APPL1: variants seen among roughly 807,000 people sequenced by gnomAD.
APPL1 encodes adaptor protein, phosphotyrosine interacting with PH domain and leucine zipper 1.
APPL1 carries 42 observed loss-of-function variants against 106.8 expected under a neutral mutation model. The ratio of observed to expected loss-of-function variants is 0.39; its 90% CI spans 0.31 to 0.51. The LOEUF (loss-of-function observed/expected upper bound fraction) is 0.51, where lower values mean the gene tolerates loss of function less well. APPL1 is among the 20% of genes least tolerant of loss of function. The pLI is 0.75. For missense variants in APPL1, 769 were observed against 858.2 expected (o/e 0.90, Z 1.30); for synonymous variants, 263 against 281.8 (o/e 0.93, Z 0.67).
chr3:57,267,067 G>A (rs2060898279), intron 19 of APPL1, among the ~76,000 whole-genome samples: 1 of 152,090 alleles, frequency 6.6e-6, no homozygotes, highest in Non-Finnish European at 1.5e-5. Context: ...GATTGCTTTG[G>A]CTATTTGCAT....
intron 5 of APPL1, among the ~76,000 whole-genome samples, chr3:57,241,561 C>T (rs1017294800): frequency 1.3e-5 from 2 of 152,080 alleles, no homozygotes; most frequent in Admixed American, 6.5e-5. Flanking sequence ...TATTCTACAC[C>T]TACACCATTT....
chr3:57,258,314 C>T (rs571692728), intron 15 of APPL1, among the ~76,000 whole-genome samples: 1 of 152,330 alleles, frequency 6.6e-6, no homozygotes, highest in African/African-American at 2.4e-5. Flanking sequence ...TGCGCCACCA[C>T]ACCCAGCTAA....
intron 5 of APPL1, 41 bp from the exon 6 acceptor site, chr3:57,242,060 C>A: frequency 7.0e-7 from 1 of 1,436,200 alleles, no homozygotes; most frequent in Non-Finnish European, 9.7e-7. Context: ...AAATGTATTT[C>A]ATAAATGTGC....
rs999091173 is a variant in APPL1, at chr3:57,248,058, C to T, written c.705-135C>T. ...CTGTAAACCTGTTTTAAAATATATT[C>T]GTGTTGTTTTAACCACCCATGCCGC... On this transcript the variant is annotated intron_variant, in intron 9 of 21. Transcript: ENST00000288266. The T allele has an allele frequency of 9.9e-5, 76 of 768,728 alleles. 1 individual carries two copies. In the Admixed American group the frequency reaches 1.7e-3, roughly 17 times the overall value. 47.6% of individuals were successfully genotyped at this position (768,728 alleles called of 1,614,324 possible).
At chr3:57,230,043 A>T (rs1318472186) in intron 1 of APPL1, among the ~76,000 whole-genome samples, 1 of 152,174 alleles carries the variant, frequency 6.6e-6, no homozygotes, top group Non-Finnish European at 1.5e-5. Context: ...TGAAGTAGAC[A>T]CATTGATATC....
chr3:57,236,244 A>G (rs1309935376), intron 2 of APPL1, among the ~76,000 whole-genome samples: 5 of 151,340 alleles, frequency 3.3e-5, no homozygotes, highest in Non-Finnish European at 7.4e-5. Context: ...GGGTTTCTCC[A>G]TGTTGGTCAG....
chr3:57,268,988 G>A (rs928220531), intron 21 of APPL1: 1 of 153,006 alleles, frequency 6.5e-6, no homozygotes, highest in Non-Finnish European at 1.5e-5. Flanking sequence ...GCGTGTTATG[G>A]GTTGTAGATT....
rs1180156555 is a variant in APPL1 at position 57,271,354 on chromosome 3, TA to T, written c.*1673del. 2 of 152,696 alleles carry T rather than the reference TA, an allele frequency of 1.3e-5. 1 individual carries two copies. Among genetic ancestry groups the T allele is most frequent in the East Asian group, 3.9e-4 (2 of 5,188 alleles). The allele number at this position is 152,696 out of a possible 1,614,324, so 9.5% of individuals were successfully genotyped here. On this transcript the variant is annotated 3_prime_UTR_variant, in exon 22 of 22. Coordinates refer to ENST00000288266, the MANE Select transcript of APPL1 (RefSeq NM_012096.3). ...TGCTTTATGTTACCAAAACATACAG[TA>T]AAAAAGTAGAAATTTATGAAATACT...
At chr3:57,265,230 T>A (rs930198780) in intron 19 of APPL1, among the ~76,000 whole-genome samples, 1 of 152,020 alleles carries the variant, frequency 6.6e-6, no homozygotes, top group African/African-American at 2.4e-5. Context: ...CTCACTGCAA[T>A]GTCTGCCTCC....
chr3:57,264,484 A>G (rs111616243), intron 19 of APPL1, among the ~76,000 whole-genome samples: 1 of 151,854 alleles, frequency 6.6e-6, no homozygotes, highest in African/African-American at 2.4e-5. Flanking sequence ...AGTTTCCCCA[A>G]TATTTTCTTG....
chr3:57,259,188 C>A (rs2060852715), intron 16 of APPL1, 108 bp downstream of exon 16: 5 of 878,778 alleles, frequency 5.7e-6, no homozygotes. Flanking sequence ...TTAATGCTAT[C>A]TTTACTTCAG....
chr3:57,247,092 T>C lies in APPL1; in HGVS notation c.622-303T>C, dbSNP rs144904925. ...TTTGTAGTAAACATGAAATACTTTATATAATTTATTGGAAATACTTTAAAA... is the reference window on the plus strand; with the variant it reads ...TTTGTAGTAAACATGAAATACTTTACATAATTTATTGGAAATACTTTAAAA... On this transcript the variant is annotated intron_variant, in intron 8 of 21. Coordinates refer to ENST00000288266, the MANE Select transcript of APPL1 (RefSeq NM_012096.3). Among the ~76,000 whole-genome samples, 346 of 152,314 alleles carry C rather than the reference T, an allele frequency of 2.3e-3. 2 individuals carry two copies. Among genetic ancestry groups the C allele is most frequent in the Admixed American group, 3.5e-3 (54 of 15,298 alleles).
At chr3:57,237,292 C>T (rs1320522201) in intron 2 of APPL1, among the ~76,000 whole-genome samples, 200 bp from the exon 3 acceptor site, 1 of 152,112 alleles carries the variant, frequency 6.6e-6, no homozygotes, top group Non-Finnish European at 1.5e-5. Flanking sequence ...CTGCTGAATT[C>T]CTGGAGAGTG....
At chr3:57,249,614 C>G in intron 11 of APPL1, 66 bp downstream of exon 11, 1 of 1,351,536 alleles carries the variant, frequency 7.4e-7, no homozygotes, top group Non-Finnish European at 9.8e-7. Context: ...TGAGATAATT[C>G]CTTTTTGTTT....
chr3:57,253,609 T>G, intron 12 of APPL1, 73 bp from the exon 13 acceptor site: 2 of 1,150,112 alleles, frequency 1.7e-6, no homozygotes, highest in Non-Finnish European at 2.3e-6. Flanking sequence ...TGCAGTTGAG[T>G]ATTGAACATT....
intron 19 of APPL1, among the ~76,000 whole-genome samples, chr3:57,267,374 T>TCGC (rs1445413025): frequency 1.3e-5 from 2 of 152,216 alleles, no homozygotes; most frequent in African/African-American, 4.8e-5. Context: ...TCTTTTAGCC[T>TCGC]CTCATTTATG....
At chr3:57,264,243 A>G (rs962192756) in intron 19 of APPL1, among the ~76,000 whole-genome samples, 10 of 152,282 alleles carry the variant, frequency 6.6e-5, no homozygotes, top group South Asian at 2.1e-4. Context: ...GGTTTTTCCT[A>G]TAGAGTTGTT....
At chr3:57,241,540 G>C (rs982230148) in intron 5 of APPL1, among the ~76,000 whole-genome samples, 14 of 152,166 alleles carry the variant, frequency 9.2e-5, no homozygotes, top group Non-Finnish European at 2.1e-4. Context: ...ACAGACAAAT[G>C]TGTATTATAC....
intron 5 of APPL1, among the ~76,000 whole-genome samples, chr3:57,240,961 G>C (rs1266966673): frequency 6.6e-6 from 1 of 152,182 alleles, no homozygotes; most frequent in African/African-American, 2.4e-5. Context: ...GAGTGCACAA[G>C]ATATGGCTTT....
Sources: gnomAD v4.1 joint callset for allele counts (sites outside exome capture counted in the v4.1 genomes callset) on GRCh38, gnomAD v4.1.1 for gene constraint, MANE v1.5 for transcripts, NCBI Gene and HGNC (gene_info 2026-07-23, HGNC 2026-07-21) for gene names.